Variants in PLCB4 observed in about 807,000 individuals in gnomAD.
The protein encoded by PLCB4 is 1-phosphatidylinositol 4,5-bisphosphate phosphodiesterase beta-4.
PLCB4 carries 77 observed loss-of-function variants against 178.8 expected under a neutral mutation model. That is an observed-to-expected ratio of 0.43 (90% confidence interval 0.36 to 0.52). PLCB4 has a LOEUF of 0.52. Ranked by LOEUF, PLCB4 falls within the 20% of genes least tolerant of loss-of-function variation. The probability of loss-of-function intolerance (pLI) is 0.00; values close to 1 mark genes in which losing one functional copy is unlikely to be tolerated. For missense variants in PLCB4, 1,024 were observed against 1,453.4 expected (o/e 0.70, Z 4.80); for synonymous variants, 496 against 490.8 (o/e 1.01, Z -0.14).
At chr20:9,142,641 A>C (rs955783173) in intron 2 of PLCB4, among the ~76,000 whole-genome samples, 2 of 152,178 alleles carry the variant, frequency 1.3e-5, no homozygotes, top group Non-Finnish European at 2.9e-5. Context: ...TCCCAAATTT[A>C]AGCAGTTTGT....
At chr20:9,377,201 C>G (rs1430052143) in intron 12 of PLCB4, among the ~76,000 whole-genome samples, 1 of 152,176 alleles carries the variant, frequency 6.6e-6, no homozygotes. Context: ...CTCCTCCTTA[C>G]TTACTTGGAC....
At chr20:9,154,947 C>CCTTT (rs1188568253) in intron 2 of PLCB4, among the ~76,000 whole-genome samples, 6 of 139,384 alleles carry the variant, frequency 4.3e-5, no homozygotes, top group African/African-American at 1.6e-4. Context: ...TTCCTTCCTT[C>CCTTT]CTTCCTTCCT....
intron 7 of PLCB4, among the ~76,000 whole-genome samples, chr20:9,352,706 C>T (rs1029389131): frequency 6.6e-6 from 1 of 152,182 alleles, no homozygotes; most frequent in African/African-American, 2.4e-5. Context: ...TCAAACATAG[C>T]CACCCATACT....
At chr20:9,315,055 A>T (rs2094883588) in intron 4 of PLCB4, among the ~76,000 whole-genome samples, 1 of 152,108 alleles carries the variant, frequency 6.6e-6, no homozygotes, top group Admixed American at 6.6e-5. Flanking sequence ...TATTTTTAGT[A>T]GAGATGTGGT....
intron 29 of PLCB4, 56 bp downstream of exon 29, chr20:9,435,704 C>A: frequency 1.0e-6 from 1 of 989,114 alleles, no homozygotes; most frequent in Non-Finnish European, 1.6e-6. Flanking sequence ...GATTATCAAA[C>A]AGTGTTTACA....
intron 2 of PLCB4, among the ~76,000 whole-genome samples, chr20:9,162,394 G>A (rs1325188831): frequency 6.6e-6 from 1 of 152,124 alleles, no homozygotes; most frequent in Non-Finnish European, 1.5e-5. Flanking sequence ...GAGAAGCAGA[G>A]GTATACCTGT....
rs530106981 is a variant in PLCB4, at chr20:9,097,845, A to T, written c.-79+1503A>T. On this transcript the variant is annotated intron_variant, in intron 2 of 39. Coordinates refer to ENST00000378473, the MANE Select transcript of PLCB4 (RefSeq NM_001377142.1). ...TATGGTCCATACTATATCATTGGAA[A>T]TCTAGTGTGGAGAACGAACATACAT... Among the ~76,000 whole-genome samples the T allele has an allele frequency of 2.2e-4, 33 of 152,338 alleles. No homozygotes were observed. In the South Asian group the frequency reaches 6.6e-3, roughly 31 times the overall value.
chr20:9,150,649 T>C (rs2092676239), intron 2 of PLCB4, among the ~76,000 whole-genome samples: 1 of 152,050 alleles, frequency 6.6e-6, no homozygotes, highest in Admixed American at 6.6e-5. Context: ...ATTCCTAGTT[T>C]AGAAGGAGGC....
chr20:9,112,347 T>G (rs901112982), intron 2 of PLCB4, among the ~76,000 whole-genome samples: 1 of 151,402 alleles, frequency 6.6e-6, no homozygotes, highest in African/African-American at 2.4e-5. Context: ...CTCTGCCTCC[T>G]GGGTTCAAGT....
chr20:9,072,690 G>A (rs1269642364), intron 1 of PLCB4, among the ~76,000 whole-genome samples: 1 of 152,094 alleles, frequency 6.6e-6, no homozygotes, highest in Non-Finnish European at 1.5e-5. Context: ...AAAGAGTCTG[G>A]GTGGAAGCTC....
chr20:9,348,088 A>G (rs1336288340), intron 7 of PLCB4, among the ~76,000 whole-genome samples: 5 of 152,210 alleles, frequency 3.3e-5, no homozygotes, highest in East Asian at 1.9e-4. Flanking sequence ...TTGTGTACAC[A>G]TGGAAATCCC....
At chr20:9,206,613 A>C (rs1000518628) in intron 2 of PLCB4, among the ~76,000 whole-genome samples, 1 of 152,182 alleles carries the variant, frequency 6.6e-6, no homozygotes, top group Non-Finnish European at 1.5e-5. Flanking sequence ...GGTAAAGGAG[A>C]CTACCATTTT....
intron 3 of PLCB4, among the ~76,000 whole-genome samples, chr20:9,262,296 C>T (rs1290756716): frequency 6.6e-6 from 1 of 151,842 alleles, no homozygotes; most frequent in Non-Finnish European, 1.5e-5. Flanking sequence ...ATGAGGTAGT[C>T]AGGTGAGTAG....
intron 3 of PLCB4, among the ~76,000 whole-genome samples, chr20:9,304,970 T>C (rs534289219): frequency 1.3e-5 from 2 of 151,962 alleles, no homozygotes; most frequent in Non-Finnish European, 1.5e-5. Context: ...ATGTGCCATG[T>C]TGGTGTGCTG....
At chr20:9,452,661 C>T (rs963368975) in intron 32 of PLCB4, among the ~76,000 whole-genome samples, 2 of 152,090 alleles carry the variant, frequency 1.3e-5, no homozygotes, top group African/African-American at 4.8e-5. Context: ...CATTGCAGCC[C>T]CAATTTCAAT....
At chr20:9,427,868 G>T (rs148300741) in intron 28 of PLCB4, among the ~76,000 whole-genome samples, 1 of 152,194 alleles carries the variant, frequency 6.6e-6, no homozygotes, top group East Asian at 1.9e-4. Context: ...GTCACTCCCC[G>T]CTGTGTTTCA....
chr20:9,320,085 A>G (rs548490824), intron 4 of PLCB4, among the ~76,000 whole-genome samples: 2 of 152,332 alleles, frequency 1.3e-5, no homozygotes, highest in South Asian at 4.1e-4. Context: ...TTATTAAGAA[A>G]GTAAAGAAAC....
rs148064240 is a variant in PLCB4, at chr20:9,168,039, C to T, written c.-78-49351C>T. The stretch of plus-strand genomic sequence containing the variant: ...CTGTCTTTTATAGCTGAAGCAGGGA[C>T]AGTGGCCTAAGAATTCCTTTGATAG... On this transcript the variant is annotated intron_variant, in intron 2 of 39. Coordinates refer to ENST00000378473, the MANE Select transcript of PLCB4 (RefSeq NM_001377142.1). 4.4e-3 allele frequency among the ~76,000 whole-genome samples: 677 copies of T among 152,296 alleles called. 5 individuals carry two copies. Among genetic ancestry groups the T allele is most frequent in the African/African-American group, 0.015 (643 of 41,568 alleles).
chr20:9,181,133 G>T (rs1463403880), intron 2 of PLCB4, among the ~76,000 whole-genome samples: 1 of 152,132 alleles, frequency 6.6e-6, no homozygotes. Context: ...TTCATAGAGG[G>T]TCATCAAAAG....
Sources: gnomAD v4.1 joint callset for allele counts (sites outside exome capture counted in the v4.1 genomes callset) on GRCh38, gnomAD v4.1.1 for gene constraint, MANE v1.5 for transcripts, NCBI Gene and HGNC (gene_info 2026-07-23, HGNC 2026-07-21) for gene names.